Variants in MOG observed in about 807,000 individuals in gnomAD.
MOG encodes myelin oligodendrocyte glycoprotein.
A neutral mutation model predicts 35.9 loss-of-function variants in MOG; 20 were observed. The ratio of observed to expected loss-of-function variants is 0.56; its 90% confidence interval spans 0.39 to 0.81. The LOEUF (loss-of-function observed/expected upper bound fraction) is 0.81. MOG is among the 30% of genes least tolerant of loss of function. The pLI is 0.00. For missense variants in MOG, 251 were observed against 301.0 expected (o/e 0.83, Z 1.23); for synonymous variants, 92 against 114.3 (o/e 0.80, Z 1.25).
Position 29,671,520 on chromosome 6 carries a change from C to A in MOG, c.*335C>A. The A allele has an allele frequency of 9.4e-7, 1 of 1,061,198 alleles. No homozygotes were observed. The highest frequency in any genetic ancestry group is 1.5e-6 in the Non-Finnish European group (1 of 677,420). 65.7% of individuals were successfully genotyped at this position (1,061,198 alleles called of 1,614,324 possible). The stretch of plus-strand genomic sequence containing the variant: ...GAGAGCAACACAGGATGGTCTCTGC[C>A]ATGAACTGGAGGCCAGGAATCTCCT... On this transcript the variant is annotated 3_prime_UTR_variant, in exon 8 of 8. Transcript: ENST00000376917.
In MOG at chr6:29,659,406, A is replaced by G; in HGVS notation, c.176A>G (p.Lys59Arg). 6.2e-7 allele frequency: 1 copy of G among 1,613,044 alleles called. No individual in the cohort carries two copies. The highest frequency in any genetic ancestry group is 8.5e-7 in the Non-Finnish European group (1 of 1,180,008). ...TTGCCATGTCGCATATCTCCTGGGAAGAACGCTACAGGCATGGAGGTGGGG... is the reference window on the plus strand; with the variant it reads ...TTGCCATGTCGCATATCTCCTGGGAGGAACGCTACAGGCATGGAGGTGGGG... Reference protein sequence around the residue: ...VELPCRISPGKNATGMEVGWY... With the variant: ...VELPCRISPGRNATGMEVGWY... The change falls in exon 2 of 8, where the codon AAG becomes AGG. Residue 59 changes from lysine to arginine, a missense_variant. Lys to Arg is a conservative substitution (Grantham distance 26). Transcript: ENST00000376917.
intron 2 of MOG, among the ~76,000 whole-genome samples, chr6:29,660,673 C>G (rs1337079678): frequency 6.6e-6 from 1 of 150,398 alleles, no homozygotes; most frequent in Non-Finnish European, 1.5e-5. Context: ...TTGGCTGTAC[C>G]TCCACTATTT....
chr6:29,657,845 A>G (rs1283934976), intron 1 of MOG, among the ~76,000 whole-genome samples: 1 of 151,730 alleles, frequency 6.6e-6, no homozygotes, highest in Non-Finnish European at 1.5e-5. Context: ...GGGTTTCACC[A>G]TGTTGGCCAG....
In MOG at chr6:29,671,431, T is replaced by C; in HGVS notation, c.*246T>C. The C allele has an allele frequency of 6.2e-7, 1 of 1,611,144 alleles. No individual in the cohort carries two copies. Among genetic ancestry groups the C allele is most frequent in the Non-Finnish European group, 8.5e-7 (1 of 1,178,396 alleles). ...CCATTTCTCTCTCCAGTCTTCCACC[T>C]GGAAGCCCTCTCTGGCTAAGGACAG... On this transcript the variant is annotated 3_prime_UTR_variant, in exon 8 of 8. Coordinates refer to ENST00000376917, the MANE Select transcript of MOG (RefSeq NM_206809.4).
chr6:29,666,051 A>T, intron 2 of MOG, 101 bp from the exon 3 acceptor site: 1 of 820,214 alleles, frequency 1.2e-6, no homozygotes, highest in East Asian at 2.4e-5. Flanking sequence ...TCCTGATGAT[A>T]TTCACTTCTT....
chr6:29,657,291 T>C lies in MOG; in HGVS notation c.82T>C (p.Tyr28His). ...CCTCCTCCTCCAAGTGTCTTCCAGC[T>C]ATGCAGGTAAGACATGTTTTTTTTC... The part of the protein sequence containing the change: ...LLLLLQVSSS[Y>H]AGQFRVIGPR... Residue 28 changes from tyrosine (Y) to histidine (H), a missense_variant, in exon 1 of 8, where the codon TAT becomes CAT. Tyr to His is a moderately conservative substitution (Grantham distance 83, BLOSUM62 2). Coordinates refer to ENST00000376917, the MANE Select transcript of MOG (RefSeq NM_206809.4). The C allele has an allele frequency of 6.3e-7, 1 of 1,592,690 alleles. No homozygotes were observed. The highest frequency in any genetic ancestry group is 1.3e-5 in the African/African-American group (1 of 74,822).
rs775540171 is a variant in MOG, at chr6:29,659,669, G to A, written c.436+3G>A. On this transcript the variant is annotated splice_donor_region_variant and intron_variant, in intron 2 of 7. Coordinates refer to ENST00000376917, the MANE Select transcript of MOG (RefSeq NM_206809.4). ...AGCAATGGAATTGAAAGTAGAAGGT[G>A]AGTAGTGCCATATAATATTAGGTAT... is the stretch of plus-strand genomic sequence containing the variant. The A allele has an allele frequency of 8.1e-6, 13 of 1,610,146 alleles. No homozygotes were observed. Among genetic ancestry groups the A allele is most frequent in the Non-Finnish European group, 1.1e-5 (13 of 1,177,520 alleles).
intron 4 of MOG, 116 bp from the exon 5 acceptor site, chr6:29,667,788 T>C: frequency 6.5e-7 from 1 of 1,526,852 alleles, no homozygotes; most frequent in Non-Finnish European, 9.1e-7. Context: ...TCCCTTTCTC[T>C]ACAGTGGGTG....
intron 2 of MOG, chr6:29,661,509 T>C: frequency 1.0e-6 from 1 of 985,186 alleles, no homozygotes; most frequent in African/African-American, 1.7e-5. Flanking sequence ...ACAAACTCCC[T>C]CAGTTTCACC....
At chr6:29,664,587 T>C (rs1335864165) in intron 2 of MOG, 2 of 449,718 alleles carry the variant, frequency 4.4e-6, no homozygotes, top group Non-Finnish European at 8.9e-6. Flanking sequence ...GCTGATGAAG[T>C]TGATAGACCC....
Position 29,667,988 on chromosome 6 carries a change from C to T in MOG, c.592+64C>T, listed in dbSNP as rs1396071791. On this transcript the variant is annotated intron_variant, in intron 5 of 7. Transcript: ENST00000376917. ...GGTATTTCACTCTAGTTCCAGTCAC[C>T]TGGGGGAACAAGGACCCCTGGCTCC... 1.9e-6 allele frequency: 3 copies of T among 1,540,482 alleles called. No homozygotes were observed. In the African/African-American group the frequency reaches 4.1e-5, roughly 21 times the overall value.
At chr6:29,664,396 A>AG (rs1769689013) in intron 2 of MOG, among the ~76,000 whole-genome samples, 1 of 151,742 alleles carries the variant, frequency 6.6e-6, no homozygotes, top group Non-Finnish European at 1.5e-5. Context: ...CAGTAGAGAG[A>AG]GGGTTTCACC....
intron 2 of MOG, chr6:29,664,606 A>ATT (rs9278232): frequency 2.0e-3 from 852 of 417,294 alleles, no homozygotes; most frequent in South Asian, 3.6e-3. Flanking sequence ...CCATCTCAGA[A>ATT]TTTTTTTTTT....
chr6:29,670,864 T>A lies in MOG; in HGVS notation c.730+143T>A. The A allele has an allele frequency of 6.3e-7, 1 of 1,580,372 alleles. No homozygotes were observed. The highest frequency in any genetic ancestry group is 8.6e-7 in the Non-Finnish European group (1 of 1,162,812). On this transcript the variant is annotated intron_variant, in intron 7 of 7. Transcript: ENST00000376917. This position sits in a 1 kb window ranked among gnomAD's most constrained non-coding sequence, Gnocchi z 4.2. The stretch of plus-strand genomic sequence containing the variant: ...TGGAGAGCCTGGGTGGAGGGAAGAC[T>A]CCTCCTGGGAGGTAGAGGGCAAAGA...
At chr6:29,667,753 T>TTTTCCCTGTTTTCCC in intron 4 of MOG, 90 bp downstream of exon 4, 1 of 1,562,698 alleles carries the variant, frequency 6.4e-7, no homozygotes, top group Non-Finnish European at 8.8e-7. Context: ...TCTCTCCCTC[T>TTTTCCCTGTTTTCCC]CAATACCCTG....
At chr6:29,659,825 G>A in intron 2 of MOG, 159 bp downstream of exon 2, 1 of 685,942 alleles carries the variant, frequency 1.5e-6, no homozygotes, top group South Asian at 1.7e-5. Context: ...GCTTAGGGAT[G>A]TCTGTTGCAT....
At chr6:29,660,726 T>C (rs1354559029) in intron 2 of MOG, among the ~76,000 whole-genome samples, 3 of 149,810 alleles carry the variant, frequency 2.0e-5, no homozygotes, top group Non-Finnish European at 4.4e-5. Context: ...TTTCCTTTCT[T>C]TCTTTTCTTT....
rs1409548291 is a variant in MOG at position 29,670,892 on chromosome 6, C to A, written c.730+171C>A. 1 of 1,596,402 alleles carries A rather than the reference C, an allele frequency of 6.3e-7. No individual in the cohort carries two copies. The highest frequency in any genetic ancestry group is 1.8e-5 in the Admixed American group (1 of 56,950). Reference sequence around the variant, plus strand: ...TCCTGGGAGGTAGAGGGCAAAGAAGCCAGCTGTTAGAGACACATTTACAGG... The same window carrying A: ...TCCTGGGAGGTAGAGGGCAAAGAAGACAGCTGTTAGAGACACATTTACAGG... On this transcript the variant is annotated intron_variant, in intron 7 of 7. Coordinates refer to ENST00000376917, the MANE Select transcript of MOG (RefSeq NM_206809.4). This position sits in a 1 kb window ranked among gnomAD's most constrained non-coding sequence, Gnocchi z 4.2.
In MOG at chr6:29,670,068, A is replaced by G; in HGVS notation, c.593-213A>G. Reference sequence around the variant, plus strand: ...ACAGGCATGAGCCACCACACCTGGCAGTTGTTACATTTTTAATGAAAGAAA... The same window carrying G: ...ACAGGCATGAGCCACCACACCTGGCGGTTGTTACATTTTTAATGAAAGAAA... On this transcript the variant is annotated intron_variant, in intron 5 of 7. Coordinates refer to ENST00000376917, the MANE Select transcript of MOG (RefSeq NM_206809.4). This position sits in a 1 kb window ranked among gnomAD's most constrained non-coding sequence, Gnocchi z 4.2. 1.2e-6 allele frequency: 1 copy of G among 844,770 alleles called. No individual in the cohort carries two copies. The allele number at this position is 844,770 out of a possible 1,614,324, so 52.3% of individuals were successfully genotyped here. A position where few individuals can be genotyped will look rare whatever the true frequency, so the allele number is the denominator to read the frequency against.
Sources: gnomAD v4.1 joint callset for allele counts (sites outside exome capture counted in the v4.1 genomes callset) on GRCh38, gnomAD v4.1.1 for gene constraint, Gnocchi (gnomAD v3.1) non-coding constraint, MANE v1.5 for transcripts, NCBI Gene and HGNC (gene_info 2026-07-23, HGNC 2026-07-21) for gene names.